The following RIMS2 variants were observed in gnomAD, a reference collection of about 807,000 sequenced individuals.
The protein encoded by RIMS2 is regulating synaptic membrane exocytosis 2.
Under a neutral mutation model 174.4 loss-of-function variants are expected in RIMS2, and 59 were observed. The observed-to-expected ratio is 0.34, with a 90% CI of 0.27 to 0.42. The LOEUF (loss-of-function observed/expected upper bound fraction) is 0.42. Ranked by LOEUF, RIMS2 falls within the 10% of genes least tolerant of loss-of-function variation. RIMS2 has a pLI of 1.00. For synonymous variants in RIMS2, 606 were observed against 572.5 expected (o/e 1.06, Z -0.84); for missense variants, 1,620 against 1,666.3 (o/e 0.97, Z 0.48).
chr8:103,579,656 A>G (rs372331348), intron 1 of RIMS2, among the ~76,000 whole-genome samples: 2 of 152,168 alleles, frequency 1.3e-5, no homozygotes, highest in South Asian at 2.1e-4. Flanking sequence ...AACCTATAAG[A>G]TGTTTTTTAT....
intron 19 of RIMS2, among the ~76,000 whole-genome samples, chr8:104,232,110 T>A (rs947447214): frequency 7.7e-4 from 118 of 152,336 alleles, no homozygotes; most frequent in African/African-American, 2.5e-3. Flanking sequence ...TATGTGATCA[T>A]GTATTACATA....
intron 1 of RIMS2, among the ~76,000 whole-genome samples, chr8:103,673,441 C>T (rs1254981644): frequency 6.6e-6 from 1 of 152,216 alleles, no homozygotes. Flanking sequence ...TTCATACATC[C>T]TCTCAAATCT....
downstream of RIMS2, chr8:104,253,553 C>T (rs1335923392): frequency 6.6e-6 from 1 of 152,070 alleles, no homozygotes; most frequent in Non-Finnish European, 1.5e-5. Flanking sequence ...GTGAAAATCT[C>T]CTAAAGTCAA....
chr8:103,962,313 T>G (rs555482580), intron 15 of RIMS2, among the ~76,000 whole-genome samples: 2 of 152,280 alleles, frequency 1.3e-5, no homozygotes, highest in East Asian at 3.9e-4. Flanking sequence ...GTTGTATATT[T>G]TTTCATTTAT....
intron 15 of RIMS2, among the ~76,000 whole-genome samples, chr8:103,964,631 G>T (rs945021763): frequency 6.6e-6 from 1 of 152,034 alleles, no homozygotes; most frequent in Non-Finnish European, 1.5e-5. Context: ...AGCAGGGATT[G>T]TCTTGACATT....
intron 3 of RIMS2, among the ~76,000 whole-genome samples, chr8:103,788,058 C>G (rs954698579): frequency 3.3e-5 from 5 of 150,866 alleles, no homozygotes; most frequent in Non-Finnish European, 5.9e-5. Context: ...TCCAGTTGAT[C>G]GCATTGGCTC....
chr8:104,125,601 A>G (rs1190505431), intron 19 of RIMS2, among the ~76,000 whole-genome samples: 3 of 152,180 alleles, frequency 2.0e-5, no homozygotes, highest in African/African-American at 7.2e-5. Context: ...TAACATCTCT[A>G]TTACTACAGG....
intron 1 of RIMS2, among the ~76,000 whole-genome samples, chr8:103,618,913 C>T (rs1369475789): frequency 6.6e-6 from 1 of 152,042 alleles, no homozygotes; most frequent in Non-Finnish European, 1.5e-5. Context: ...TATTGACACC[C>T]ATCTTGACTA....
At chr8:103,589,623 A>C (rs1593504) in intron 1 of RIMS2, among the ~76,000 whole-genome samples, 56,915 of 151,168 alleles carry the variant, frequency 0.38, 11,039 homozygotes, top group African/African-American at 0.4. Context: ...GAAGTATCTG[A>C]ACTCCTATGT....
At position 103,862,484 on chromosome 8, in the gene RIMS2, A is replaced by AT. The variant is rs568908992; in HGVS notation, c.699-22804dup. 2.0e-3 allele frequency among the ~76,000 whole-genome samples: 304 copies of AT among 148,660 alleles called. 3 individuals are homozygous for AT. The highest frequency in any genetic ancestry group is 6.9e-3 in the African/African-American group (281 of 40,504). ...TTTTTTGCTTCCATACGGCCTTTAG[A>AT]TTTTTTTTTTAATTTTGTGAAGAAT... On this transcript the variant is annotated intron_variant, in intron 3 of 23. Coordinates refer to ENST00000504942, the Ensembl canonical transcript of RIMS2.
intron 1 of RIMS2, among the ~76,000 whole-genome samples, chr8:103,587,460 GAAAGAAAGA>G (rs58587440): frequency 0.071 from 8,029 of 113,638 alleles, 293 homozygotes; most frequent in Non-Finnish European, 0.077. Flanking sequence ...AAGAAAGAAA[GAAAGAAAGA>G]AACTATGCAC....
intron 1 of RIMS2, among the ~76,000 whole-genome samples, chr8:103,521,445 A>C (rs947338022): frequency 6.6e-6 from 1 of 151,850 alleles, no homozygotes; most frequent in East Asian, 1.9e-4. Context: ...ACAGTTTTAT[A>C]TTTTGCTTAT....
intron 2 of RIMS2, among the ~76,000 whole-genome samples, chr8:103,722,218 A>C (rs1471141995): frequency 6.6e-6 from 1 of 152,046 alleles, no homozygotes; most frequent in African/African-American, 2.4e-5. Flanking sequence ...AAAAATACAA[A>C]AAAAAATTAG....
intron 1 of RIMS2, among the ~76,000 whole-genome samples, chr8:103,513,943 A>G (rs1216063143): frequency 1.3e-5 from 2 of 152,226 alleles, no homozygotes; most frequent in Non-Finnish European, 2.9e-5. Context: ...TACTCTTTCC[A>G]GAAAGAGCGT....
intron 1 of RIMS2, among the ~76,000 whole-genome samples, chr8:103,622,262 T>C (rs1173336923): frequency 6.6e-6 from 1 of 152,116 alleles, no homozygotes; most frequent in African/African-American, 2.4e-5. Context: ...ATACAAACAA[T>C]GACACATACA....
At chr8:103,875,314 G>A (rs1314750371) in intron 3 of RIMS2, among the ~76,000 whole-genome samples, 4 of 151,704 alleles carry the variant, frequency 2.6e-5, no homozygotes, top group African/African-American at 9.7e-5. Context: ...TATACACTCC[G>A]TTTTATACCC....
chr8:103,826,143 A>G (rs1210366553), intron 3 of RIMS2, among the ~76,000 whole-genome samples: 1 of 152,188 alleles, frequency 6.6e-6, no homozygotes, highest in Non-Finnish European at 1.5e-5. Flanking sequence ...ATTTATATAT[A>G]TAAAATGTAT....
At chr8:103,946,298 C>T (rs2083748958) in intron 14 of RIMS2, among the ~76,000 whole-genome samples, 1 of 152,130 alleles carries the variant, frequency 6.6e-6, no homozygotes, top group South Asian at 2.1e-4. Context: ...TTGAGACCAG[C>T]CTGGCCAACA....
chr8:103,604,064 G>A (rs1198387913), intron 1 of RIMS2, among the ~76,000 whole-genome samples: 1 of 149,632 alleles, frequency 6.7e-6, no homozygotes, highest in Non-Finnish European at 1.5e-5. Context: ...TAGACATGAA[G>A]TCCTTGCCCA....
Sources: allele counts gnomAD v4.1 joint callset (sites outside exome capture counted in the v4.1 genomes callset), GRCh38; gene constraint gnomAD v4.1.1; transcripts MANE v1.5; gene names NCBI Gene and HGNC (gene_info 2026-07-23, HGNC 2026-07-21).